The following BAALC variants were observed in gnomAD, a reference collection of about 807,000 sequenced individuals.
BAALC encodes BAALC binder of MAP3K1 and KLF4, also known as brain and acute leukemia cytoplasmic protein.
In BAALC, 9 loss-of-function variants were observed where a neutral mutation model predicts 15.5. The ratio of observed to expected loss-of-function variants is 0.58; its 90% confidence interval spans 0.35 to 1.02. BAALC has a LOEUF of 1.02. Ranked by LOEUF, BAALC falls within the 50% of genes least tolerant of loss-of-function variation. The pLI is 0.02. For missense variants in BAALC, 201 were observed against 192.4 expected, an observed-to-expected ratio of 1.04 and a Z score of -0.27; for synonymous variants, 80 against 74.6, an observed-to-expected ratio of 1.07 and a Z score of -0.37.
At chr8:103,149,743 G>A (rs186483290) in intron 1 of BAALC, among the ~76,000 whole-genome samples, 1 of 152,144 alleles carries the variant, frequency 6.6e-6, no homozygotes, top group Non-Finnish European at 1.5e-5. Context: ...AAGGGGGAAA[G>A]GTCATGGAGA....
intron 1 of BAALC, among the ~76,000 whole-genome samples, chr8:103,189,107 A>T (rs185913989): frequency 4.9e-4 from 75 of 152,348 alleles, no homozygotes; most frequent in African/African-American, 1.8e-3. Flanking sequence ...TGTGTTCCCA[A>T]TGAATAGAAA....
At chr8:103,203,059 A>G (rs1249582311) in intron 1 of BAALC, among the ~76,000 whole-genome samples, 2 of 152,166 alleles carry the variant, frequency 1.3e-5, no homozygotes, top group South Asian at 4.1e-4. Flanking sequence ...CATTTCGCCA[A>G]AGACAAATAG....
intron 1 of BAALC, 136 bp from the exon 2 acceptor site, chr8:103,212,783 G>T (rs975287072): frequency 4.1e-5 from 32 of 784,014 alleles, no homozygotes; most frequent in Non-Finnish European, 6.0e-5. Flanking sequence ...TATAGAAAAG[G>T]GTAGCTCTGC....
chr8:103,168,341 TTCACTCTTTCACC>T (rs1811394334), intron 1 of BAALC, among the ~76,000 whole-genome samples: 1 of 152,206 alleles, frequency 6.6e-6, no homozygotes, highest in Admixed American at 6.5e-5. Context: ...AGGTGAGGTT[TTCACTCTTTCACC>T]TCCATCCCAC....
intron 1 of BAALC, among the ~76,000 whole-genome samples, chr8:103,184,637 A>G (rs1239472875): frequency 6.6e-6 from 1 of 152,234 alleles, no homozygotes; most frequent in African/African-American, 2.4e-5. Context: ...TCTCTCCCAG[A>G]TAGTTCCAGA....
rs1812883465 is a variant in BAALC, at chr8:103,229,722, T to C, written c.*1623T>C. The C allele has an allele frequency of 6.6e-6, 1 of 152,218 alleles. No individual in the cohort carries two copies. Among genetic ancestry groups the C allele is most frequent in the South Asian group, 2.1e-4 (1 of 4,834 alleles). The allele number at this position is 152,218 out of a possible 1,614,324, so 9.4% of individuals were successfully genotyped here. A position where few individuals can be genotyped will look rare whatever the true frequency, so the allele number is the denominator to read the frequency against. On this transcript the variant is annotated 3_prime_UTR_variant, in exon 3 of 3. Transcript: ENST00000309982. ...TTCAGGGTAGGTTTGTGTCTTAAAC[T>C]AGGTGTTCTAATCAATGTACAAGAC...
intron 1 of BAALC, among the ~76,000 whole-genome samples, chr8:103,155,372 A>G (rs1381221564): frequency 6.6e-6 from 1 of 152,222 alleles, no homozygotes; most frequent in East Asian, 1.9e-4. Context: ...GGTGAGGGGC[A>G]CAGTCCAGGG....
At chr8:103,178,764 A>G (rs963635723) in intron 1 of BAALC, among the ~76,000 whole-genome samples, 21 of 151,716 alleles carry the variant, frequency 1.4e-4, no homozygotes, top group Non-Finnish European at 2.4e-4. Flanking sequence ...GGCTGAGGCA[A>G]GAGAATTGCT....
intron 1 of BAALC, among the ~76,000 whole-genome samples, chr8:103,163,141 C>T (rs1811266054): frequency 6.6e-6 from 1 of 151,878 alleles, no homozygotes; most frequent in Non-Finnish European, 1.5e-5. Flanking sequence ...GGAAATGGAC[C>T]TTCTCCCTCA....
intron 1 of BAALC, among the ~76,000 whole-genome samples, chr8:103,181,359 A>G (rs1586406756): frequency 6.6e-6 from 1 of 151,768 alleles, no homozygotes; most frequent in African/African-American, 2.4e-5. Context: ...TGCAAGCTCC[A>G]CCTCCCAGGT....
chr8:103,156,026 C>G (rs1811082775), intron 1 of BAALC, among the ~76,000 whole-genome samples: 1 of 152,150 alleles, frequency 6.6e-6, no homozygotes, highest in African/African-American at 2.4e-5. Flanking sequence ...TTTTTAATGC[C>G]AAAGCAGCTA....
intron 1 of BAALC, chr8:103,152,996 C>T (rs1811016396): frequency 6.6e-6 from 1 of 152,170 alleles, no homozygotes; most frequent in Non-Finnish European, 1.5e-5. Flanking sequence ...TCTTATTGGT[C>T]AGAAGTGTAT....
At chr8:103,201,697 GA>G (rs1346500054) in intron 1 of BAALC, among the ~76,000 whole-genome samples, 5 of 152,206 alleles carry the variant, frequency 3.3e-5, no homozygotes, top group Non-Finnish European at 7.3e-5. Flanking sequence ...AAGCAGCAAG[GA>G]AAGGAAGGTG....
At position 103,140,858 on chromosome 8, in the gene BAALC, A is replaced by C. The variant is rs1810751860; in HGVS notation, c.-40A>C. 1 of 1,452,134 alleles carries C rather than the reference A, an allele frequency of 6.9e-7. No homozygotes were observed. Among genetic ancestry groups the C allele is most frequent in the Non-Finnish European group, 9.1e-7 (1 of 1,101,802 alleles). 90.0% of individuals were successfully genotyped at this position (1,452,134 alleles called of 1,614,324 possible). A position where few individuals can be genotyped will look rare whatever the true frequency, so the allele number is the denominator to read the frequency against. Reference sequence around the variant, plus strand: ...CGGGGCTGAGCCGCCGCCAGAGCCGACAGCCGAGCAGCCGCTGGGCGCTCC... The same window carrying C: ...CGGGGCTGAGCCGCCGCCAGAGCCGCCAGCCGAGCAGCCGCTGGGCGCTCC... On this transcript the variant is annotated 5_prime_UTR_variant, in exon 1 of 3. Coordinates refer to ENST00000309982, the MANE Select transcript of BAALC (RefSeq NM_024812.3). The surrounding 1 kb of genome is among the most constrained non-coding windows in gnomAD (Gnocchi z 4.2).
chr8:103,151,470 T>C (rs1810984552), intron 1 of BAALC, among the ~76,000 whole-genome samples: 1 of 152,218 alleles, frequency 6.6e-6, no homozygotes, highest in Non-Finnish European at 1.5e-5. Context: ...TTCAGTGTTG[T>C]GCATTCTAGC....
chr8:103,160,648 G>A (rs1210585082), intron 1 of BAALC, among the ~76,000 whole-genome samples: 1 of 152,066 alleles, frequency 6.6e-6, no homozygotes. Context: ...TATATATAAA[G>A]GGGAGTTTAT....
intron 1 of BAALC, among the ~76,000 whole-genome samples, chr8:103,195,689 C>T (rs1449625751): frequency 6.6e-6 from 1 of 152,178 alleles, no homozygotes; most frequent in Non-Finnish European, 1.5e-5. Flanking sequence ...CATGTTTGCA[C>T]TTGCTTTCTC....
At chr8:103,217,383 C>A (rs1023912290) in intron 2 of BAALC, among the ~76,000 whole-genome samples, 1 of 152,226 alleles carries the variant, frequency 6.6e-6, no homozygotes, top group Admixed American at 6.5e-5. Flanking sequence ...CATACCAACA[C>A]TCAGGCAGGC....
intron 1 of BAALC, chr8:103,208,418 G>A (rs914736658): frequency 6.6e-6 from 1 of 152,216 alleles, no homozygotes; most frequent in African/African-American, 2.4e-5. Flanking sequence ...CTTAGGCTTA[G>A]CAAAGATGCC....
Sources: allele counts gnomAD v4.1 joint callset (sites outside exome capture counted in the v4.1 genomes callset), GRCh38; gene constraint gnomAD v4.1.1; non-coding constraint Gnocchi (gnomAD v3.1); transcripts MANE v1.5; gene names NCBI Gene and HGNC (gene_info 2026-07-23, HGNC 2026-07-21).